CENPE: variants seen among roughly 807,000 people sequenced by gnomAD.
CENPE encodes the protein centromere-associated protein E.
In CENPE, 145 loss-of-function variants were observed where a neutral mutation model predicts 336.1. The ratio of observed to expected loss-of-function variants is 0.43; its 90% CI spans 0.38 to 0.50. CENPE has a LOEUF of 0.50. Among genes scored for constraint, CENPE ranks in the 20% least tolerant of loss-of-function variants. The pLI is 0.00. For missense variants in CENPE, 2,719 were observed against 3,023.3 expected (o/e 0.90, Z 2.36); for synonymous variants, 1,013 against 984.8 (o/e 1.03, Z -0.54).
intron 46 of CENPE, among the ~76,000 whole-genome samples, chr4:103,113,131 TATATACTTATAAGTATATAA>T: frequency 2.9e-5 from 2 of 67,800 alleles, no homozygotes; most frequent in Non-Finnish European, 6.5e-5. Flanking sequence ...TATATGTGTA[TATATACTTATAAGTATATAA>T]GTGTATATAT....
intron 45 of CENPE, 90 bp from the exon 46 acceptor site, chr4:103,114,642 C>T (rs1242663321): frequency 1.3e-6 from 1 of 765,104 alleles, no homozygotes; most frequent in East Asian, 2.6e-5. Context: ...TTTTCTAACA[C>T]ATCACATTGA....
In CENPE at chr4:103,176,921, A is replaced by G. The variant is rs111589187; in HGVS notation, c.1368T>C (p.Asn456=). Residue 456 remains asparagine, a synonymous_variant, in exon 14 of 49, where the codon AAT becomes AAC. Coordinates refer to ENST00000265148, the MANE Select transcript of CENPE (RefSeq NM_001813.3). ...CACATTCATCAATTTCTCGTAATAAATTTATAGAAAGCTTATGTGTTTTTG... is the reference window on the plus strand; with the variant it reads ...CACATTCATCAATTTCTCGTAATAAGTTTATAGAAAGCTTATGTGTTTTTG... ...ITTKTHKLSI[N]LLREIDESVC... is the part of the protein sequence containing the mutation. 8.2e-6 allele frequency: 13 copies of G among 1,587,882 alleles called. No homozygotes were observed. Among genetic ancestry groups the G allele is most frequent in the Middle Eastern group, 3.4e-4 (2 of 5,852 alleles).
At chr4:103,192,412 C>A (rs1419806974) in intron 8 of CENPE, among the ~76,000 whole-genome samples, 1 of 152,156 alleles carries the variant, frequency 6.6e-6, no homozygotes, top group Non-Finnish European at 1.5e-5. Flanking sequence ...GTGGCCAAAT[C>A]TTGCCCCAGG....
intron 13 of CENPE, among the ~76,000 whole-genome samples, chr4:103,180,097 A>C (rs1756204569): frequency 6.6e-6 from 1 of 152,222 alleles, no homozygotes; most frequent in South Asian, 2.1e-4. Context: ...TTATTTAAAT[A>C]CATTCCAAAC....
At chr4:103,130,282 C>T (rs374411809) in intron 42 of CENPE, among the ~76,000 whole-genome samples, 1 of 152,114 alleles carries the variant, frequency 6.6e-6, no homozygotes, top group East Asian at 1.9e-4. Flanking sequence ...AAGGCATCAA[C>T]AAAAATACTC....
intron 4 of CENPE, among the ~76,000 whole-genome samples, chr4:103,195,567 C>CT (rs941404014): frequency 6.6e-5 from 10 of 152,036 alleles, no homozygotes; most frequent in Admixed American, 3.3e-4. Flanking sequence ...TGCTTCCCTT[C>CT]TTTTTTTACC....
At chr4:103,159,777 GTGGTA>G (rs1262089397) in intron 21 of CENPE, among the ~76,000 whole-genome samples, 2 of 151,686 alleles carry the variant, frequency 1.3e-5, no homozygotes, top group African/African-American at 4.8e-5. Context: ...AGTATCTTAA[GTGGTA>G]TGGTCCATGA....
Position 103,140,077 on chromosome 4 carries a change from G to T in CENPE, c.5916C>A (p.Ile1972=). The stretch of plus-strand genomic sequence containing the variant: ...GAAGTTCTTTTTTCTGAAGTTCTTG[G>T]ATCTTGAGATAATTGTAAAACAAGT... The part of the protein sequence containing the change: ...DKSKDELQKK[I]QELQKKELQL... Residue 1972 remains isoleucine, a splice_region_variant and synonymous_variant, in exon 38 of 49, where the codon ATC becomes ATA. Coordinates refer to ENST00000265148, the MANE Select transcript of CENPE (RefSeq NM_001813.3). The T allele has an allele frequency of 1.3e-6, 2 of 1,594,990 alleles. No individual in the cohort carries two copies. The highest frequency in any genetic ancestry group is 1.7e-6 in the Non-Finnish European group (2 of 1,172,846).
chr4:103,183,323 G>T, intron 9 of CENPE, 35 bp from the exon 10 acceptor site: 6 of 1,526,022 alleles, frequency 3.9e-6, no homozygotes, highest in Non-Finnish European at 5.4e-6. Flanking sequence ...AACTAAACTT[G>T]ACTCCTTTTC....
chr4:103,120,630 A>C (rs1750541337), intron 43 of CENPE, among the ~76,000 whole-genome samples: 1 of 152,248 alleles, frequency 6.6e-6, no homozygotes, highest in Admixed American at 6.5e-5. Context: ...GCATAGTGCT[A>C]AGCATATTAA....
At chr4:103,196,395 C>A in intron 2 of CENPE, 143 bp from the exon 3 acceptor site, 1 of 704,120 alleles carries the variant, frequency 1.4e-6, no homozygotes, top group Non-Finnish European at 2.4e-6. Context: ...GTATTTTTTT[C>A]AACTTTTTGG....
At position 103,151,377 on chromosome 4, in the gene CENPE, T is replaced by C; in HGVS notation, c.3238A>G (p.Thr1080Ala). ...CTTAATTCTTCCTGGTTTTCAATGG[T>C]CTAGAAAGAAAAAAAAAGTTGAGAT... is the stretch of plus-strand genomic sequence containing the variant. The part of the protein sequence containing the change: ...KTDLKENIEM[T>A]IENQEELRLL... The change falls in exon 26 of 49, where the codon ACC (threonine) becomes GCC (alanine). Residue 1080 changes from threonine to alanine, a missense_variant and splice_region_variant. Thr to Ala is a moderately conservative substitution (Grantham distance 58, BLOSUM62 0). Coordinates refer to ENST00000265148, the MANE Select transcript of CENPE (RefSeq NM_001813.3). 6.4e-7 allele frequency: 1 copy of C among 1,555,048 alleles called. No individual in the cohort carries two copies. The highest frequency in any genetic ancestry group is 8.6e-7 in the Non-Finnish European group (1 of 1,161,294).
At chr4:103,196,723 A>G (rs1359091771) in intron 2 of CENPE, 36 bp downstream of exon 2, 1 of 978,216 alleles carries the variant, frequency 1.0e-6, no homozygotes, top group Non-Finnish European at 1.6e-6. Context: ...TAGCAAAAGG[A>G]TAACAAGGTA....
At chr4:103,115,824 G>A (rs1453947713) in intron 45 of CENPE, among the ~76,000 whole-genome samples, 4 of 149,932 alleles carry the variant, frequency 2.7e-5, no homozygotes, top group East Asian at 2.0e-4. Flanking sequence ...TCCGCCTCCC[G>A]GGTTCACACC....
At chr4:103,125,508 A>G (rs376905520) in intron 42 of CENPE, among the ~76,000 whole-genome samples, 104 of 152,274 alleles carry the variant, frequency 6.8e-4, no homozygotes, top group African/African-American at 2.4e-3. Context: ...CACCTTGGGA[A>G]CAATGATTAA....
rs950170655 is a variant in CENPE, at chr4:103,136,336, C to A, written c.6327G>T (p.Glu2109Asp). 1 of 1,609,956 alleles carries A rather than the reference C, an allele frequency of 6.2e-7. No homozygotes were observed. The highest frequency in any genetic ancestry group is 8.5e-7 in the Non-Finnish European group (1 of 1,178,612). The stretch of plus-strand genomic sequence containing the variant: ...TCAAGCACTCATAATGATCATCCAT[C>A]TCTGAGTATCTCTTCAAAAGCTCCT... ...RIKELLKRYS[E>D]MDDHYECLNR... Residue 2109 changes from glutamate (E) to aspartate (D), a missense_variant, in exon 40 of 49, where the codon GAG (glutamate) becomes GAT (aspartate). By Grantham distance (45) the Glu-to-Asp change is conservative. Around this residue, in one of 5 missense-constraint regions of CENPE, gnomAD observed 2,437 missense variants for 2,513.3 expected, o/e 0.97. Coordinates refer to ENST00000265148, the MANE Select transcript of CENPE (RefSeq NM_001813.3).
intron 42 of CENPE, among the ~76,000 whole-genome samples, chr4:103,131,991 G>A (rs1273972985): frequency 6.6e-6 from 1 of 152,092 alleles, no homozygotes; most frequent in Non-Finnish European, 1.5e-5. Flanking sequence ...TTTATGGCAG[G>A]ATAGTAAAAT....
intron 25 of CENPE, among the ~76,000 whole-genome samples, chr4:103,152,136 C>CAAAAATTAAAAATAAAATTTAAAAATTT: frequency 6.8e-6 from 1 of 148,008 alleles, no homozygotes; most frequent in East Asian, 2.0e-4. Flanking sequence ...ATTATGACAG[C>CAAAAATTAAAAATAAAATTTAAAAATTT]AAAAAAAAAG....
At chr4:103,135,568 C>A (rs192630887) in intron 40 of CENPE, among the ~76,000 whole-genome samples, 1 of 152,052 alleles carries the variant, frequency 6.6e-6, no homozygotes, top group East Asian at 1.9e-4. Flanking sequence ...CTGTGAAACC[C>A]TCCCTAGTAG....
Sources: allele counts gnomAD v4.1 joint callset (sites outside exome capture counted in the v4.1 genomes callset), GRCh38; gene constraint gnomAD v4.1.1; regional missense constraint gnomAD v4.1.1; transcripts MANE v1.5; gene names NCBI Gene and HGNC (gene_info 2026-07-23, HGNC 2026-07-21).